The following SPSB4 variants were observed in gnomAD, a reference collection of about 807,000 sequenced individuals.
The protein encoded by SPSB4 is splA/ryanodine receptor domain and SOCS box containing 4, also known as SPRY domain-containing SOCS box protein 4.
A neutral mutation model predicts 20.9 loss-of-function variants in SPSB4; 21 were observed. The observed-to-expected ratio is 1.01, with a 90% CI of 0.71 to 1.45. SPSB4 has a LOEUF of 1.45. Among genes scored for constraint, SPSB4 ranks in the 40% most tolerant of loss-of-function variants. SPSB4 has a pLI of 0.00. For synonymous variants in SPSB4, 207 were observed against 183.8 expected (o/e 1.13, Z -1.02); for missense variants, 399 against 399.2 (o/e 1.00, Z 0.00).
At chr3:141,126,688 T>C (rs1299025568) in intron 2 of SPSB4, among the ~76,000 whole-genome samples, 1 of 152,144 alleles carries the variant, frequency 6.6e-6, no homozygotes, top group Non-Finnish European at 1.5e-5. Flanking sequence ...TTTCCGTAGG[T>C]TACCTCCTTT....
chr3:141,135,897 A>G (rs1238114943), intron 2 of SPSB4, among the ~76,000 whole-genome samples: 1 of 152,246 alleles, frequency 6.6e-6, no homozygotes, highest in Non-Finnish European at 1.5e-5. Flanking sequence ...TTCTAGTTCC[A>G]GATCCCTGAG....
intron 2 of SPSB4, among the ~76,000 whole-genome samples, chr3:141,134,170 C>T (rs1362921566): frequency 6.9e-6 from 1 of 144,136 alleles, no homozygotes; most frequent in Non-Finnish European, 1.5e-5. Context: ...ATTTTGTATA[C>T]TGAAACTTAA....
At chr3:141,077,841 A>G (rs999449395) in intron 2 of SPSB4, among the ~76,000 whole-genome samples, 1 of 152,162 alleles carries the variant, frequency 6.6e-6, no homozygotes. Flanking sequence ...AAGTTGCCTC[A>G]AGGAAGTGGT....
At chr3:141,134,049 C>CTTTTTTTTTTTTTTTTTTTTT (rs1939184001) in intron 2 of SPSB4, among the ~76,000 whole-genome samples, 17 of 63,882 alleles carry the variant, frequency 2.7e-4, no homozygotes, top group Non-Finnish European at 3.5e-4. Context: ...TTTTTTTTTT[C>CTTTTTTTTTTTTTTTTTTTTT]TTTTTTCTTT....
chr3:141,086,458 G>T (rs1397071389), intron 2 of SPSB4, among the ~76,000 whole-genome samples: 1 of 152,176 alleles, frequency 6.6e-6, no homozygotes, highest in Non-Finnish European at 1.5e-5. Flanking sequence ...GATGATAATA[G>T]TGCCCACCTT....
intron 1 of SPSB4, among the ~76,000 whole-genome samples, chr3:141,053,450 G>T (rs1936130844): frequency 6.6e-6 from 1 of 151,780 alleles, no homozygotes; most frequent in Admixed American, 6.6e-5. Flanking sequence ...TGTATTTCTC[G>T]TTTATTTTAA....
chr3:141,102,765 T>C (rs1938631332), intron 2 of SPSB4, among the ~76,000 whole-genome samples: 2 of 152,122 alleles, frequency 1.3e-5, no homozygotes. Flanking sequence ...GTGGGCAAAA[T>C]TGCAGACTTA....
intron 1 of SPSB4, among the ~76,000 whole-genome samples, chr3:141,056,011 A>G (rs890527): frequency 6.6e-6 from 1 of 151,970 alleles, no homozygotes; most frequent in African/African-American, 2.4e-5. Context: ...ATGCATGGAG[A>G]GAGAGAGTGA....
intron 2 of SPSB4, among the ~76,000 whole-genome samples, chr3:141,107,992 C>T (rs4683558): frequency 0.099 from 14,989 of 151,858 alleles, 815 homozygotes; most frequent in Middle Eastern, 0.14. Context: ...TATTTGTCTG[C>T]GGTGGCCTCT....
chr3:141,058,592 TGAGGA>T (rs1559836990), intron 1 of SPSB4, among the ~76,000 whole-genome samples: 1 of 152,044 alleles, frequency 6.6e-6, no homozygotes, highest in African/African-American at 2.4e-5. Flanking sequence ...GTAGTGGAGA[TGAGGA>T]GAGGAGAAAT....
intron 2 of SPSB4, among the ~76,000 whole-genome samples, chr3:141,114,890 A>G (rs1938860366): frequency 1.3e-5 from 2 of 152,346 alleles, no homozygotes; most frequent in East Asian, 1.9e-4. Flanking sequence ...GGCATTGTAC[A>G]TTAAATATGT....
At chr3:141,068,030 G>A (rs925798769) in intron 2 of SPSB4, among the ~76,000 whole-genome samples, 6 of 152,176 alleles carry the variant, frequency 3.9e-5, no homozygotes, top group African/African-American at 1.4e-4. Flanking sequence ...CTTTAGATGA[G>A]GGACTGAGAG....
intron 2 of SPSB4, among the ~76,000 whole-genome samples, chr3:141,075,363 AACCAGGGG>A (rs1446270136): frequency 6.6e-6 from 1 of 152,062 alleles, no homozygotes; most frequent in African/African-American, 2.4e-5. Flanking sequence ...CAGACCATAC[AACCAGGGG>A]GTTAGCACAG....
intron 2 of SPSB4, among the ~76,000 whole-genome samples, chr3:141,091,375 T>C (rs937892528): frequency 6.6e-6 from 1 of 152,216 alleles, no homozygotes; most frequent in Non-Finnish European, 1.5e-5. Context: ...TGTAATAAAG[T>C]GCATACAGTA....
At position 141,066,467 on chromosome 3, in the gene SPSB4, T is replaced by A. The variant is rs746531089; in HGVS notation, c.363T>A (p.Arg121=). Reference sequence around the variant, plus strand: ...CTGTAGTTGGTGTGGCCACGGCCCGTGCTCCCCTGCACTCCGTGGGCTACA... The same window carrying A: ...CTGTAGTTGGTGTGGCCACGGCCCGAGCTCCCCTGCACTCCGTGGGCTACA... ...THAVVGVATA[R]APLHSVGYTA... The change falls in exon 2 of 3, where the codon CGT becomes CGA. Residue 121 remains arginine, a synonymous_variant. Coordinates refer to ENST00000310546, the MANE Select transcript of SPSB4 (RefSeq NM_080862.3). 86 of 1,499,070 alleles carry A rather than the reference T, an allele frequency of 5.7e-5. No homozygotes were observed. Among genetic ancestry groups the A allele is most frequent in the Non-Finnish European group, 7.4e-5 (83 of 1,124,220 alleles). 92.9% of individuals were successfully genotyped at this position (1,499,070 alleles called of 1,614,324 possible).
chr3:141,113,945 A>G (rs1938846017), intron 2 of SPSB4, among the ~76,000 whole-genome samples: 1 of 152,182 alleles, frequency 6.6e-6, no homozygotes, highest in Non-Finnish European at 1.5e-5. Flanking sequence ...AAAATTAGCC[A>G]GACATGGTGG....
At chr3:141,065,855 A>G (rs1231351408) in intron 1 of SPSB4, 97 bp from the exon 2 acceptor site, 5 of 484,270 alleles carry the variant, frequency 1.0e-5, no homozygotes, top group Non-Finnish European at 1.8e-5. Flanking sequence ...ATTATTGTGC[A>G]TGCAAAGGGC....
chr3:141,147,188 G>T lies in SPSB4; in HGVS notation c.741G>T (p.Ser247=). The T allele has an allele frequency of 6.2e-7, 1 of 1,614,168 alleles. No individual in the cohort carries two copies. The highest frequency in any genetic ancestry group is 8.5e-7 in the Non-Finnish European group (1 of 1,180,034). Residue 247 remains serine (S), a synonymous_variant, in exon 3 of 3, where the codon TCG becomes TCT. Transcript: ENST00000310546. ...LMDLCRRSIR[S]ALGRQRLQDI... ...ACCTGTGCCGGAGATCCATCCGCTC[G>T]GCCCTGGGCCGCCAGCGCCTGCAGG... is the stretch of plus-strand genomic sequence containing the variant.
intron 2 of SPSB4, among the ~76,000 whole-genome samples, chr3:141,082,320 C>G (rs1443563080): frequency 6.6e-6 from 1 of 152,220 alleles, no homozygotes; most frequent in Non-Finnish European, 1.5e-5. Flanking sequence ...CATCAGGCGG[C>G]CCCTCCCCAG....
Sources: allele counts gnomAD v4.1 joint callset (sites outside exome capture counted in the v4.1 genomes callset), GRCh38; gene constraint gnomAD v4.1.1; transcripts MANE v1.5; gene names NCBI Gene and HGNC (gene_info 2026-07-23, HGNC 2026-07-21).